The following MISP variants were observed in gnomAD, a reference collection of about 807,000 sequenced individuals.
The protein encoded by MISP is mitotic interactor and substrate of PLK1.
Under a neutral mutation model 49.3 loss-of-function variants are expected in MISP, and 51 were observed. That is an observed-to-expected ratio of 1.03 (90% confidence interval 0.83 to 1.31). MISP has a LOEUF of 1.31. Ranked by LOEUF, MISP falls within the 50% of genes most tolerant of loss-of-function variation. MISP has a pLI of 0.00. For synonymous variants in MISP, 444 were observed against 392.6 expected (o/e 1.13, Z -1.55); for missense variants, 1,084 against 935.1 (o/e 1.16, Z -2.08).
chr19:760,144 A>C, intron 3 of MISP, 105 bp downstream of exon 3: 1 of 1,339,700 alleles, frequency 7.5e-7, no homozygotes, highest in South Asian at 1.3e-5. Flanking sequence ...GGGTTCAAGC[A>C]CTACCCCCAC....
intron 1 of MISP, among the ~76,000 whole-genome samples, chr19:754,228 G>T (rs1348159794): frequency 6.6e-6 from 1 of 152,136 alleles, no homozygotes; most frequent in Non-Finnish European, 1.5e-5. Flanking sequence ...ACTTTGGGAG[G>T]CCGAGGCGGG....
At chr19:749,713 C>T (rs2033429997), upstream of MISP, among the ~76,000 whole-genome samples, 1 of 152,132 alleles carries the variant, frequency 6.6e-6, no homozygotes, top group South Asian at 2.1e-4. Context: ...GCCAGTAATC[C>T]CAGCTACTAG....
chr19:758,148 C>A lies in MISP; in HGVS notation c.1202C>A (p.Pro401Gln), dbSNP rs371777542. ...CTCAGCTCAGATTCCATCCTCAGCC[C>A]GGCCCCAGATGCCCGTGCGGCCGAC... ...RALSSDSILS[P>Q]APDARAADPA... Residue 401 changes from proline to glutamine, a missense_variant, in exon 2 of 5, where the codon CCG (proline) becomes CAG (glutamine). Physicochemically the swap from Pro to Gln is moderately conservative, Grantham distance 76 (BLOSUM62 -1). Transcript: ENST00000215582. 1 of 1,611,856 alleles carries A rather than the reference C, an allele frequency of 6.2e-7. No homozygotes were observed. Among genetic ancestry groups the A allele is most frequent in the East Asian group, 2.2e-5 (1 of 44,820 alleles).
intron 1 of MISP, among the ~76,000 whole-genome samples, chr19:755,478 T>C (rs1437986420): frequency 6.6e-6 from 1 of 152,178 alleles, no homozygotes; most frequent in Non-Finnish European, 1.5e-5. Flanking sequence ...TCCTTCTCTC[T>C]GGGCCTCAGT....
chr19:750,188 CTTTTTTTTTTTTTTT>C (rs71174321), upstream of MISP, among the ~76,000 whole-genome samples: 58,590 of 113,476 alleles, frequency 0.52, 13,095 homozygotes, highest in Middle Eastern at 0.63. Flanking sequence ...TCGTGCGGTT[CTTTTTTTTTTTTTTT>C]TTTTTTTTTT....
chr19:751,553 A>G (rs13345388), intron 1 of MISP, among the ~76,000 whole-genome samples: 71,577 of 151,936 alleles, frequency 0.47, 17,633 homozygotes, highest in East Asian at 0.84. Context: ...TTCTGGAGAG[A>G]TGCTTATCCG....
chr19:758,788 G>T, intron 2 of MISP, 62 bp downstream of exon 2: 2 of 1,441,138 alleles, frequency 1.4e-6, no homozygotes, highest in East Asian at 2.3e-5. Flanking sequence ...GAGCAGGGGA[G>T]GGTGGGGAGG....
Position 758,134 on chromosome 19 carries a change from T to C in MISP, c.1188T>C (p.Asp396=). The C allele has an allele frequency of 6.2e-7, 1 of 1,611,158 alleles. No individual in the cohort carries two copies. The highest frequency in any genetic ancestry group is 8.5e-7 in the Non-Finnish European group (1 of 1,179,080). The change falls in exon 2 of 5, where the codon GAT becomes GAC. Residue 396 remains aspartate (D), a synonymous_variant. Transcript: ENST00000215582. ...GACTCCGGAGAGCCCTCAGCTCAGA[T>C]TCCATCCTCAGCCCGGCCCCAGATG... The part of the protein sequence containing the change: ...QPGLRRALSS[D]SILSPAPDAR...
At position 757,498 on chromosome 19, in the gene MISP, C is replaced by T. The variant is rs758135556; in HGVS notation, c.552C>T (p.Asn184=). The T allele has an allele frequency of 7.5e-6, 12 of 1,603,156 alleles. No individual in the cohort carries two copies. In the East Asian group the frequency reaches 9.0e-5, roughly 12 times the overall value. The change falls in exon 2 of 5, where the codon AAC becomes AAT. Residue 184 remains asparagine, a synonymous_variant. Transcript: ENST00000215582. ...GPPRSTPLEE[N]VVDREQIDFL... ...CTCGGTCCACGCCCCTGGAGGAGAA[C>T]GTGGTTGACAGGGAGCAGATTGACT...
At chr19:752,535 C>T (rs1448562985) in intron 1 of MISP, among the ~76,000 whole-genome samples, 3 of 19,914 alleles carry the variant, frequency 1.5e-4, no homozygotes, top group East Asian at 1.9e-3. Flanking sequence ...AAAAAAAAAG[C>T]GGGGGGCGGG....
In MISP at chr19:761,640, C is replaced by A; in HGVS notation, c.1927C>A (p.Pro643Thr). 1 of 1,614,120 alleles carries A rather than the reference C, an allele frequency of 6.2e-7. No individual in the cohort carries two copies. The highest frequency in any genetic ancestry group is 8.5e-7 in the Non-Finnish European group (1 of 1,180,018). ...KKEQWYAGINPSDGINSEVLE... is the reference protein window; with the variant it reads ...KKEQWYAGINTSDGINSEVLE... ...TTTCCTGTAGTACGCTGGCATCAAC[C>A]CCTCGGACGGTATCAACTCAGAGGT... Residue 643 changes from proline (P) to threonine (T), a missense_variant, in exon 4 of 5, where the codon CCC (proline) becomes ACC (threonine). Coordinates refer to ENST00000215582, the MANE Select transcript of MISP (RefSeq NM_173481.4).
upstream of MISP, among the ~76,000 whole-genome samples, chr19:749,069 C>T (rs989077337): frequency 2.6e-5 from 4 of 152,150 alleles, no homozygotes; most frequent in South Asian, 6.2e-4. Context: ...ACCTGGGAGG[C>T]GGAGGCTGCA....
chr19:751,322 G>A (rs983913539), intron 1 of MISP, among the ~76,000 whole-genome samples, 151 bp downstream of exon 1: 9 of 152,182 alleles, frequency 5.9e-5, no homozygotes, highest in Admixed American at 4.6e-4. Flanking sequence ...GCCCCACCCC[G>A]TCACCCTCGG....
In MISP at chr19:757,158, A is replaced by G; in HGVS notation, c.212A>G (p.His71Arg). ...AGGCAGGGGGTGTCCTACAGCGTGCATGCCTACACTGGCCAGCCGTCCCCA... is the reference window on the plus strand; with the variant it reads ...AGGCAGGGGGTGTCCTACAGCGTGCGTGCCTACACTGGCCAGCCGTCCCCA... ...VQRQGVSYSVHAYTGQPSPRG... is the reference protein window; with the variant it reads ...VQRQGVSYSVRAYTGQPSPRG... The change falls in exon 2 of 5, where the codon CAT becomes CGT. Residue 71 changes from histidine (H) to arginine (R), a missense_variant. Transcript: ENST00000215582. 1 of 1,613,402 alleles carries G rather than the reference A, an allele frequency of 6.2e-7. No homozygotes were observed. The highest frequency in any genetic ancestry group is 8.5e-7 in the Non-Finnish European group (1 of 1,179,952).
In MISP at chr19:757,666, C is replaced by A; in HGVS notation, c.720C>A (p.Ala240=). The change falls in exon 2 of 5, where the codon GCC becomes GCA. Residue 240 remains alanine (A), a synonymous_variant. Coordinates refer to ENST00000215582, the MANE Select transcript of MISP (RefSeq NM_173481.4). ...APKAFNKPHL[A]NGHVVPIKPQ... ...AGGCCTTCAACAAGCCCCACCTGGCCAACGGGCACGTGGTTCCCATCAAGC... is the reference window on the plus strand; with the variant it reads ...AGGCCTTCAACAAGCCCCACCTGGCAAACGGGCACGTGGTTCCCATCAAGC... 1 of 1,613,586 alleles carries A rather than the reference C, an allele frequency of 6.2e-7. No individual in the cohort carries two copies. The highest frequency in any genetic ancestry group is 1.1e-5 in the South Asian group (1 of 91,042).
intron 1 of MISP, among the ~76,000 whole-genome samples, chr19:752,117 G>A (rs1279110653): frequency 6.6e-6 from 1 of 152,166 alleles, no homozygotes; most frequent in African/African-American, 2.4e-5. Flanking sequence ...CCTCAGATGA[G>A]CAGGTTCTCC....
chr19:757,550 A>G lies in MISP; in HGVS notation c.604A>G (p.Ser202Gly), dbSNP rs2033576132. ...CCTGGCAGCGAGACAGCAGTTCCTG[A>G]GTCTGGAGCAGGCGAACAAGGGGGC... The part of the protein sequence containing the change: ...DFLAARQQFL[S>G]LEQANKGAPH... Residue 202 changes from serine to glycine, a missense_variant, in exon 2 of 5, where the codon AGT becomes GGT. By Grantham distance (56) the Ser-to-Gly change is moderately conservative. Transcript: ENST00000215582. 1 of 1,612,588 alleles carries G rather than the reference A, an allele frequency of 6.2e-7. No homozygotes were observed. The highest frequency in any genetic ancestry group is 8.5e-7 in the Non-Finnish European group (1 of 1,179,574).
intron 1 of MISP, among the ~76,000 whole-genome samples, chr19:754,615 A>T (rs966024940): frequency 1.3e-5 from 2 of 152,254 alleles, no homozygotes; most frequent in African/African-American, 4.8e-5. Flanking sequence ...CATCGCAGCG[A>T]GACTCTGTCT....
rs773090194 is a variant in MISP, at chr19:757,201, G to A, written c.255G>A (p.Glu85=). 2 of 1,613,604 alleles carry A rather than the reference G, an allele frequency of 1.2e-6. No homozygotes were observed. Among genetic ancestry groups the A allele is most frequent in the South Asian group, 1.1e-5 (1 of 91,088 alleles). The change falls in exon 2 of 5, where the codon GAG becomes GAA. Residue 85 remains glutamate, a synonymous_variant. Coordinates refer to ENST00000215582, the MANE Select transcript of MISP (RefSeq NM_173481.4). ...CGTCCCCACGGGGGCTCCACTCGGA[G>A]AACAGGGAGGATGAGGGTTGGCAGG... The part of the protein sequence containing the change: ...GQPSPRGLHS[E]NREDEGWQVY...
Sources: gnomAD v4.1 joint callset for allele counts (sites outside exome capture counted in the v4.1 genomes callset) on GRCh38, gnomAD v4.1.1 for gene constraint, MANE v1.5 for transcripts, NCBI Gene and HGNC (gene_info 2026-07-23, HGNC 2026-07-21) for gene names.